Variants in GSTCD observed in about 807,000 individuals in gnomAD.
The protein encoded by GSTCD is glutathione S-transferase C-terminal domain-containing protein.
A neutral mutation model predicts 68.3 loss-of-function variants in GSTCD; 44 were observed. The ratio of observed to expected loss-of-function variants is 0.64; its 90% confidence interval spans 0.51 to 0.83. The LOEUF is 0.83. GSTCD is among the 40% of genes least tolerant of loss of function. The pLI, the probability that GSTCD is intolerant of heterozygous loss-of-function variation, is 0.00. For missense variants in GSTCD, 739 were observed against 735.9 expected, an observed-to-expected ratio of 1.00 and a Z score of -0.05; for synonymous variants, 273 against 255.2, an observed-to-expected ratio of 1.07 and a Z score of -0.67.
At chr4:105,786,530 TC>T (rs1216341020) in intron 5 of GSTCD, among the ~76,000 whole-genome samples, 3 of 88,736 alleles carry the variant, frequency 3.4e-5, no homozygotes, top group Admixed American at 1.2e-4. Context: ...AAAAACACCA[TC>T]CAAAAAAAAA....
rs931261372 is a variant in GSTCD, at chr4:105,719,639, T to G, written c.894+112T>G. On this transcript the variant is annotated intron_variant, in intron 3 of 11. Coordinates refer to ENST00000515279, the MANE Select transcript of GSTCD (RefSeq NM_001370181.1). ...GTCAATATGCTGCTAGGAAAGTTAT[T>G]AATATCTTTCTCCATTTTCTTATCT... The G allele has an allele frequency of 5.4e-6, 4 of 746,582 alleles. No homozygotes were observed. In the African/African-American group the frequency reaches 7.1e-5, roughly 13 times the overall value. The allele number at this position is 746,582 out of a possible 1,614,324, so 46.2% of individuals were successfully genotyped here.
chr4:105,816,028 TAGC>T (rs1226707086), intron 5 of GSTCD, among the ~76,000 whole-genome samples: 1 of 151,918 alleles, frequency 6.6e-6, no homozygotes, highest in Non-Finnish European at 1.5e-5. Flanking sequence ...GAGAAAAAAA[TAGC>T]AGGAATAAGA....
At chr4:105,756,622 C>T (rs547836408) in intron 5 of GSTCD, among the ~76,000 whole-genome samples, 75 of 148,832 alleles carry the variant, frequency 5.0e-4, no homozygotes, top group Non-Finnish European at 7.7e-4. Context: ...ATTATTTCAC[C>T]GATTTTCACT....
At chr4:105,731,257 ATTTTGTGAAG>A (rs1733229633) in intron 5 of GSTCD, among the ~76,000 whole-genome samples, 1 of 152,126 alleles carries the variant, frequency 6.6e-6, no homozygotes, top group Non-Finnish European at 1.5e-5. Context: ...GTTTTTTCCA[ATTTTGTGAAG>A]AAAGTCATTG....
chr4:105,734,108 C>G (rs1211869116), intron 5 of GSTCD, among the ~76,000 whole-genome samples: 1 of 152,196 alleles, frequency 6.6e-6, no homozygotes, highest in African/African-American at 2.4e-5. Context: ...TTCTCTCTGG[C>G]TGCCCTTAAC....
chr4:105,833,610 TG>T lies in GSTCD; in HGVS notation c.1531-849del, dbSNP rs1165474145. 2.0e-5 allele frequency among the ~76,000 whole-genome samples: 3 copies of T among 152,310 alleles called. No individual in the cohort carries two copies. In the East Asian group the frequency reaches 5.8e-4, roughly 29 times the overall value. The stretch of plus-strand genomic sequence containing the variant: ...GAAATGGAGATGTGAGGGGTTTTTT[TG>T]GTGTTTTTTGTCAAAATCCAGTACA... On this transcript the variant is annotated intron_variant, in intron 8 of 11. Transcript: ENST00000515279.
At chr4:105,840,857 T>C (rs1330530011) in intron 10 of GSTCD, among the ~76,000 whole-genome samples, 1 of 152,106 alleles carries the variant, frequency 6.6e-6, no homozygotes, top group Non-Finnish European at 1.5e-5. Context: ...CCTGCAGCCT[T>C]TTGGAGTGAG....
intron 5 of GSTCD, among the ~76,000 whole-genome samples, chr4:105,733,902 C>T (rs1733351372): frequency 6.6e-6 from 1 of 152,114 alleles, no homozygotes; most frequent in Non-Finnish European, 1.5e-5. Flanking sequence ...AATCTCTCAG[C>T]ATTTGCTTGT....
chr4:105,735,118 T>C (rs1733412020), intron 5 of GSTCD, among the ~76,000 whole-genome samples: 1 of 152,212 alleles, frequency 6.6e-6, no homozygotes, highest in Non-Finnish European at 1.5e-5. Flanking sequence ...GTTAGGCTAC[T>C]CGGGGGGTCA....
intron 5 of GSTCD, among the ~76,000 whole-genome samples, chr4:105,784,958 C>G (rs1460854693): frequency 1.3e-5 from 2 of 152,084 alleles, no homozygotes; most frequent in African/African-American, 2.4e-5. Context: ...CTGAAAGTAG[C>G]CTTTATTCCA....
At chr4:105,750,141 C>T (rs1269372148) in intron 5 of GSTCD, among the ~76,000 whole-genome samples, 4 of 152,136 alleles carry the variant, frequency 2.6e-5, no homozygotes, top group Admixed American at 2.0e-4. Context: ...TATTACTACA[C>T]ACCTATCGGA....
At chr4:105,736,094 GTTTC>G (rs1578422018) in intron 5 of GSTCD, among the ~76,000 whole-genome samples, 1 of 151,766 alleles carries the variant, frequency 6.6e-6, no homozygotes, top group Middle Eastern at 3.4e-3. Context: ...GTTTGTTTTT[GTTTC>G]TTTATAATTT....
intron 5 of GSTCD, among the ~76,000 whole-genome samples, chr4:105,816,517 A>G (rs1434567219): frequency 6.6e-6 from 1 of 152,086 alleles, no homozygotes; most frequent in Non-Finnish European, 1.5e-5. Flanking sequence ...CGAAACTTAA[A>G]TTGATCCTTT....
intron 5 of GSTCD, among the ~76,000 whole-genome samples, chr4:105,775,562 T>A (rs1735023513): frequency 6.6e-6 from 1 of 152,224 alleles, no homozygotes; most frequent in Non-Finnish European, 1.5e-5. Context: ...ATGTTGATGC[T>A]ATTCCTTTCT....
intron 9 of GSTCD, among the ~76,000 whole-genome samples, chr4:105,836,810 T>C (rs939087964): frequency 2.0e-5 from 3 of 152,238 alleles, no homozygotes; most frequent in African/African-American, 4.8e-5. Context: ...TCCTTTGAAC[T>C]GATATCTTTA....
chr4:105,813,348 G>A (rs988994340), intron 5 of GSTCD, among the ~76,000 whole-genome samples: 4 of 152,058 alleles, frequency 2.6e-5, no homozygotes, highest in African/African-American at 9.7e-5. Flanking sequence ...CCAAAACCTG[G>A]AACTTTTTGA....
At position 105,716,255 on chromosome 4, in the gene GSTCD, G is replaced by A. The variant is rs185936395; in HGVS notation, c.-21-1338G>A. Among the ~76,000 whole-genome samples, 395 of 152,208 alleles carry A rather than the reference G, an allele frequency of 2.6e-3. 2 individuals are homozygous for A. The highest frequency in any genetic ancestry group is 0.024 in the Admixed American group (363 of 15,292). ...AATAGAAAGGTTTTTTTCAGGGAGC[G>A]TGGGGATTGGGGTTTGTGATTTAAA... On this transcript the variant is annotated intron_variant, in intron 1 of 11. Coordinates refer to ENST00000515279, the MANE Select transcript of GSTCD (RefSeq NM_001370181.1).
chr4:105,778,763 T>C (rs1194975352), intron 5 of GSTCD, among the ~76,000 whole-genome samples: 1 of 152,146 alleles, frequency 6.6e-6, no homozygotes, highest in East Asian at 1.9e-4. Flanking sequence ...GTCATACTCT[T>C]TTTAAATTTT....
rs1412924368 is a variant in GSTCD, at chr4:105,726,737, A to G, written c.1053A>G (p.Glu351=). ...HLPKLLTTST[E]QHPNLCEVPG... The stretch of plus-strand genomic sequence containing the variant: ...CAAAGTTGTTGACAACCTCAACTGA[A>G]CAGCATCCAAACTTATGTGAAGTCC... Residue 351 remains glutamate, a synonymous_variant, in exon 4 of 12, where the codon GAA becomes GAG. Coordinates refer to ENST00000515279, the MANE Select transcript of GSTCD (RefSeq NM_001370181.1). The G allele has an allele frequency of 6.2e-7, 1 of 1,613,844 alleles. No homozygotes were observed. The highest frequency in any genetic ancestry group is 8.5e-7 in the Non-Finnish European group (1 of 1,179,900).
Sources: gnomAD v4.1 joint callset for allele counts (sites outside exome capture counted in the v4.1 genomes callset) on GRCh38, gnomAD v4.1.1 for gene constraint, MANE v1.5 for transcripts, NCBI Gene and HGNC (gene_info 2026-07-23, HGNC 2026-07-21) for gene names.